Variants in DMD observed in about 807,000 individuals in gnomAD.
DMD encodes dystrophin.
A neutral mutation model predicts 330.1 loss-of-function variants in DMD; 63 were observed. That is an observed-to-expected ratio of 0.19 (90% CI 0.16 to 0.24). The LOEUF is 0.24. DMD is among the 10% of genes least tolerant of loss of function. The pLI, the probability that DMD is intolerant of heterozygous loss-of-function variation, is 1.00. For missense variants in DMD, 3,344 were observed against 2,684.1 expected, an observed-to-expected ratio of 1.25 and a Z score of -5.43; for synonymous variants, 1,223 against 959.8, an observed-to-expected ratio of 1.27 and a Z score of -5.07.
intron 27 of DMD, among the ~76,000 whole-genome samples, chrX:32,445,441 A>T (rs1012131077): frequency 1.8e-5 from 2 of 110,993 alleles, no homozygotes; most frequent in African/African-American, 6.5e-5. Context: ...GGAGGAGGAG[A>T]CTGTGAGACC....
Position 33,250,085 on chromosome X carries a change from T to TTATATATATATATATATATA in DMD, c.7+89154_7+89173dup, listed in dbSNP as rs560212408. On this transcript the variant is annotated intron_variant, in intron 1 of 17. Transcript: ENST00000288447. ...AGCCCACATAGTAGTAAACTATTCA[T>TTATATATATATATATATATA]TATATATATATATATATATATATAT... is the stretch of plus-strand genomic sequence containing the variant. Among the ~76,000 whole-genome samples the TTATATATATATATATATATA allele has an allele frequency of 7.2e-3, 542 of 75,252 alleles. 6 individuals carry two copies. Among genetic ancestry groups the TTATATATATATATATATATA allele is most frequent in the African/African-American group, 0.015 (205 of 13,819 alleles). 65.3% of individuals were successfully genotyped at this position (75,252 alleles called of 115,157 possible).
At chrX:31,716,249 T>G in intron 52 of DMD, among the ~76,000 whole-genome samples, 2 of 112,563 alleles carry the variant, frequency 1.8e-5, no homozygotes, top group Non-Finnish European at 3.8e-5. Flanking sequence ...TGGTGTTTAT[T>G]TTTTAAAAAC....
intron 29 of DMD, among the ~76,000 whole-genome samples, chrX:32,422,196 C>A (rs1012591293): frequency 1.8e-5 from 2 of 111,386 alleles, no homozygotes; most frequent in Non-Finnish European, 3.8e-5. Context: ...ACATAATGCA[C>A]CTTAGCAAAG....
chrX:31,150,890 C>T (rs2037335346), intron 74 of DMD, among the ~76,000 whole-genome samples: 2 of 111,760 alleles, frequency 1.8e-5, no homozygotes, highest in Non-Finnish European at 3.8e-5. Context: ...CCTAACATTA[C>T]AAGGTTTCCA....
At chrX:32,529,115 C>T (rs945923720) in intron 17 of DMD, among the ~76,000 whole-genome samples, 4 of 105,576 alleles carry the variant, frequency 3.8e-5, no homozygotes, top group African/African-American at 6.9e-5. Flanking sequence ...TTCATAGAGA[C>T]GGGGTTTCAC....
chrX:32,563,407 AC>A lies in DMD; in HGVS notation c.1992+2294del, dbSNP rs2051297682. Among the ~76,000 whole-genome samples, 11 of 109,110 alleles carry A rather than the reference AC, an allele frequency of 1.0e-4. No homozygotes were observed. The Admixed American group carries it at 1.1e-3, about 11-fold the overall frequency. 94.7% of individuals were successfully genotyped at this position (109,110 alleles called of 115,157 possible). A position where few individuals can be genotyped will look rare whatever the true frequency, so the allele number is the denominator to read the frequency against. On this transcript the variant is annotated intron_variant, in intron 16 of 78. Transcript: ENST00000357033. ...AAAAGCCCTCCAGACACACTGAACT[AC>A]ATGACTTACATATCAAACTCAACCT...
intron 44 of DMD, among the ~76,000 whole-genome samples, chrX:32,126,905 C>T (rs181020398): frequency 8.9e-6 from 1 of 112,195 alleles, no homozygotes; most frequent in African/African-American, 3.2e-5. Context: ...AAAAATTCTT[C>T]TTTTAACTGG....
chrX:31,695,084 A>G (rs1410122906), intron 52 of DMD, among the ~76,000 whole-genome samples: 1 of 111,583 alleles, frequency 9.0e-6, no homozygotes, highest in African/African-American at 3.2e-5. Context: ...GGTACTATTT[A>G]GCAATAAAAA....
Position 32,011,591 on chromosome X carries a change from T to A in DMD, c.6439-43077A>T, listed in dbSNP as rs1458009057. On this transcript the variant is annotated intron_variant, in intron 44 of 78. Transcript: ENST00000357033. ...AGGTATTTTGTGGCTTATGGCTGAATCCCCTCTTGTGTTCCAACTTTCTGC... is the reference window on the plus strand; with the variant it reads ...AGGTATTTTGTGGCTTATGGCTGAAACCCCTCTTGTGTTCCAACTTTCTGC... 2.7e-5 allele frequency among the ~76,000 whole-genome samples: 3 copies of A among 111,699 alleles called. No homozygotes were observed. In the East Asian group the frequency reaches 8.5e-4, roughly 32 times the overall value.
intron 2 of DMD, among the ~76,000 whole-genome samples, chrX:32,894,388 T>C (rs1211654295): frequency 8.9e-6 from 1 of 112,313 alleles, no homozygotes; most frequent in African/African-American, 3.2e-5. Context: ...GCCTTACCTG[T>C]AGAAACGATC....
At chrX:32,732,618 A>G (rs2148058617) in intron 7 of DMD, among the ~76,000 whole-genome samples, 1 of 111,385 alleles carries the variant, frequency 9.0e-6, no homozygotes, top group Non-Finnish European at 1.9e-5. Flanking sequence ...CAACATTCTT[A>G]AAGAAAAGAA....
chrX:31,722,418 C>G (rs1232739763), intron 52 of DMD, among the ~76,000 whole-genome samples: 1 of 111,163 alleles, frequency 9.0e-6, no homozygotes, highest in East Asian at 2.9e-4. Flanking sequence ...CTGTGCCCAG[C>G]CTGTATTTCA....
chrX:31,784,551 C>T lies in DMD; in HGVS notation c.7310-10359G>A, dbSNP rs777261619. On this transcript the variant is annotated intron_variant, in intron 50 of 78. Coordinates refer to ENST00000357033, the MANE Select transcript of DMD (RefSeq NM_004006.3). ...TTCTGGGTGTACGGTTAGTCCCCAA[C>T]TTACTAAGGTCTAACTTGTAATTTT... is the stretch of plus-strand genomic sequence containing the variant. Among the ~76,000 whole-genome samples, 109 of 112,168 alleles carry T rather than the reference C, an allele frequency of 9.7e-4. 3 individuals are homozygous for T. Among genetic ancestry groups the T allele is most frequent in the Non-Finnish European group, 1.1e-3 (56 of 53,181 alleles).
In DMD at chrX:31,805,538, C is replaced by T. The variant is rs768551117; in HGVS notation, c.7309+14437G>A. 2.7e-5 allele frequency among the ~76,000 whole-genome samples: 3 copies of T among 111,833 alleles called. No individual in the cohort carries two copies. In the South Asian group the frequency reaches 1.1e-3, roughly 42 times the overall value. ...AGAAAATCTAAGACCTAGTTATCCC[C>T]TTTCTTTGTATTTTTTGATGCTGAG... On this transcript the variant is annotated intron_variant, in intron 50 of 78. Transcript: ENST00000357033.
chrX:31,522,363 C>CTCTCTCTATATA, intron 55 of DMD, among the ~76,000 whole-genome samples: 32 of 35,960 alleles, frequency 8.9e-4, no homozygotes, highest in East Asian at 1.9e-3. Flanking sequence ...CTCTCTCTCT[C>CTCTCTCTATATA]TATATATATA....
chrX:31,910,407 G>A (rs776535389), intron 47 of DMD, among the ~76,000 whole-genome samples: 1 of 112,224 alleles, frequency 8.9e-6, no homozygotes, highest in African/African-American at 3.2e-5. Flanking sequence ...TACACAGTAA[G>A]TTATTAATAA....
intron 52 of DMD, among the ~76,000 whole-genome samples, chrX:31,701,281 G>A (rs1381507769): frequency 9.0e-6 from 1 of 111,621 alleles, no homozygotes; most frequent in African/African-American, 3.3e-5. Context: ...AATTAACCCC[G>A]AAAAACAAAG....
At chrX:32,729,751 G>GTTTC (rs1569494398) in intron 7 of DMD, among the ~76,000 whole-genome samples, 4 of 58,273 alleles carry the variant, frequency 6.9e-5, no homozygotes, top group Admixed American at 2.2e-4. Context: ...TACATGTTCT[G>GTTTC]GTTCTTTAAT....
intron 44 of DMD, among the ~76,000 whole-genome samples, chrX:32,130,105 C>G (rs1157169280): frequency 9.1e-6 from 1 of 109,610 alleles, no homozygotes; most frequent in Non-Finnish European, 1.9e-5. Flanking sequence ...ACGTCTTTAC[C>G]AATGTAATAT....
Sources: allele counts gnomAD v4.1 joint callset (sites outside exome capture counted in the v4.1 genomes callset), GRCh38; gene constraint gnomAD v4.1.1; transcripts MANE v1.5; gene names NCBI Gene and HGNC (gene_info 2026-07-23, HGNC 2026-07-21).